KIZ: variants seen among roughly 807,000 people sequenced by gnomAD.
KIZ encodes the protein centrosomal protein kizuna.
A neutral mutation model predicts 79.6 loss-of-function variants in KIZ; 68 were observed. The ratio of observed to expected loss-of-function variants is 0.85; its 90% CI spans 0.70 to 1.05. The LOEUF is 1.05. KIZ is among the 50% of genes least tolerant of loss of function. The pLI is 0.00. For missense variants in KIZ, 797 were observed against 800.4 expected (o/e 1.00, Z 0.05); for synonymous variants, 280 against 281.8 (o/e 0.99, Z 0.06).
chr20:21,140,632 T>C (rs2032463551), intron 3 of KIZ, among the ~76,000 whole-genome samples: 2 of 152,288 alleles, frequency 1.3e-5, no homozygotes, highest in African/African-American at 2.4e-5. Context: ...GTGTTATATC[T>C]ATGCTGCTAC....
At chr20:21,165,622 C>G (rs2033895065) in intron 6 of KIZ, among the ~76,000 whole-genome samples, 1 of 151,468 alleles carries the variant, frequency 6.6e-6, no homozygotes, top group Admixed American at 6.6e-5. Context: ...GTAGATGGCC[C>G]TGAGATTCCC....
At chr20:21,142,241 G>A (rs927906323) in intron 3 of KIZ, among the ~76,000 whole-genome samples, 1 of 152,002 alleles carries the variant, frequency 6.6e-6, no homozygotes, top group Non-Finnish European at 1.5e-5. Flanking sequence ...CCCTGCCTTA[G>A]GTCTGTGTCA....
rs1288175840 is a variant in KIZ at position 21,243,605 on chromosome 20, G to A, written c.1881-640G>A. On this transcript the variant is annotated intron_variant, in intron 11 of 12. Coordinates refer to ENST00000619189, the MANE Select transcript of KIZ (RefSeq NM_018474.6). ...GGAGACTTTTAAATTCATTAAAATT[G>A]CAAAAGCTCCTGAAAAGGCACACAG... Among the ~76,000 whole-genome samples, 7 of 152,284 alleles carry A rather than the reference G, an allele frequency of 4.6e-5. No individual in the cohort carries two copies. The East Asian group carries it at 1.4e-3, about 29-fold the overall frequency.
chr20:21,178,981 G>T (rs1195989093), intron 6 of KIZ, among the ~76,000 whole-genome samples: 1 of 151,938 alleles, frequency 6.6e-6, no homozygotes, highest in Non-Finnish European at 1.5e-5. Flanking sequence ...TTAGTATTTT[G>T]TTGACAATAT....
At chr20:21,135,812 GT>G (rs1486417124) in intron 2 of KIZ, among the ~76,000 whole-genome samples, 2 of 152,036 alleles carry the variant, frequency 1.3e-5, no homozygotes, top group South Asian at 2.1e-4. Flanking sequence ...GAGTCTGAAA[GT>G]TTTTTTCACA....
chr20:21,205,658 T>TA (rs11478463), intron 7 of KIZ, 74 bp downstream of exon 7: 13,068 of 497,434 alleles, frequency 0.026, 2 homozygotes, highest in South Asian at 0.04. Flanking sequence ...AATTTTTATT[T>TA]AAAAAAAAAA....
At chr20:21,127,607 A>G (rs2031564731) in intron 1 of KIZ, among the ~76,000 whole-genome samples, 1 of 152,216 alleles carries the variant, frequency 6.6e-6, no homozygotes. Flanking sequence ...GATTTGTTTT[A>G]TTTTTAAGTC....
chr20:21,223,580 T>A (rs867075582), intron 9 of KIZ, among the ~76,000 whole-genome samples: 73 of 151,156 alleles, frequency 4.8e-4, no homozygotes, highest in Middle Eastern at 3.4e-3. Context: ...CCTGCCTTTT[T>A]AAAAAAAAAT....
chr20:21,146,803 C>T (rs978491313), intron 4 of KIZ, among the ~76,000 whole-genome samples: 4 of 151,810 alleles, frequency 2.6e-5, no homozygotes, highest in African/African-American at 9.7e-5. Flanking sequence ...AGGAAGTTTT[C>T]GTTTTCCTTC....
intron 4 of KIZ, among the ~76,000 whole-genome samples, chr20:21,155,133 AC>A (rs767277751): frequency 9.2e-5 from 14 of 152,224 alleles, no homozygotes; most frequent in Non-Finnish European, 1.9e-4. Context: ...ACATATAGTT[AC>A]CGTACGAGGC....
intron 5 of KIZ, 116 bp downstream of exon 5, chr20:21,162,623 C>G: frequency 1.1e-6 from 1 of 882,874 alleles, no homozygotes; most frequent in Non-Finnish European, 1.7e-6. Context: ...CCAACAAATT[C>G]CATTCTAATG....
chr20:21,196,770 A>G (rs2035359631), intron 6 of KIZ: 1 of 152,198 alleles, frequency 6.6e-6, no homozygotes, highest in African/African-American at 2.4e-5. Context: ...CAGTGTGGAT[A>G]AGGGTCAGGA....
chr20:21,241,868 T>A (rs4815032), intron 11 of KIZ, among the ~76,000 whole-genome samples: 1 of 152,108 alleles, frequency 6.6e-6, no homozygotes, highest in Non-Finnish European at 1.5e-5. Flanking sequence ...TTTTTTTTTC[T>A]GCTTCAGCTT....
chr20:21,194,550 C>T (rs1369783934), intron 6 of KIZ: 1 of 152,148 alleles, frequency 6.6e-6, no homozygotes, highest in Non-Finnish European at 1.5e-5. Context: ...TGTTAGAAAT[C>T]CTCAGCATAA....
intron 6 of KIZ, among the ~76,000 whole-genome samples, chr20:21,188,094 C>T (rs1453630108): frequency 6.6e-6 from 1 of 152,198 alleles, no homozygotes; most frequent in Non-Finnish European, 1.5e-5. Flanking sequence ...AAAACCTGAA[C>T]CCATTTTCCC....
chr20:21,234,006 T>C (rs1191004082), intron 11 of KIZ, among the ~76,000 whole-genome samples: 1 of 152,164 alleles, frequency 6.6e-6, no homozygotes, highest in African/African-American at 2.4e-5. Flanking sequence ...GTTCTAGGTC[T>C]CCTAAAAGAA....
chr20:21,244,352 G>A (rs1600638570), intron 12 of KIZ, 64 bp downstream of exon 12: 3 of 1,189,922 alleles, frequency 2.5e-6, no homozygotes, highest in East Asian at 2.3e-5. Context: ...TCTGTGACAT[G>A]CATTTGTTGT....
intron 1 of KIZ, among the ~76,000 whole-genome samples, chr20:21,128,825 A>G (rs145430649): frequency 3.9e-5 from 6 of 152,332 alleles, no homozygotes; most frequent in African/African-American, 9.6e-5. Flanking sequence ...GTAAGATATC[A>G]TAATAGTCTA....
chr20:21,246,465 G>T lies in KIZ; in HGVS notation c.1925-14G>T. On this transcript the variant is annotated splice_polypyrimidine_tract_variant and intron_variant, in intron 12 of 12. Transcript: ENST00000619189. ...TGCAAAAATGTTAAATAACTGTCTG[G>T]TTTTATTTTCCAGCCCTCTGGGATG... 1 of 1,538,816 alleles carries T rather than the reference G, an allele frequency of 6.5e-7. No homozygotes were observed. The highest frequency in any genetic ancestry group is 9.0e-7 in the Non-Finnish European group (1 of 1,112,766).
Sources: gnomAD v4.1 joint callset for allele counts (sites outside exome capture counted in the v4.1 genomes callset) on GRCh38, gnomAD v4.1.1 for gene constraint, MANE v1.5 for transcripts, NCBI Gene and HGNC (gene_info 2026-07-23, HGNC 2026-07-21) for gene names.